The following AP3D1 variants were observed in gnomAD, a reference collection of about 807,000 sequenced individuals.
The protein encoded by AP3D1 is adaptor related protein complex 3 subunit delta 1, also known as AP-3 complex subunit delta-1.
AP3D1 carries 51 observed loss-of-function variants against 147.6 expected under a neutral mutation model. That is an observed-to-expected ratio of 0.35 (90% CI 0.28 to 0.44). The LOEUF (loss-of-function observed/expected upper bound fraction) is 0.44, where lower values mean the gene tolerates loss of function less well. Ranked by LOEUF, AP3D1 falls within the 20% of genes least tolerant of loss-of-function variation. The probability of loss-of-function intolerance (pLI) is 1.00; values close to 1 mark genes in which losing one functional copy is unlikely to be tolerated. For synonymous variants in AP3D1, 760 were observed against 663.0 expected (o/e 1.15, Z -2.25); for missense variants, 1,421 against 1,624.2 (o/e 0.87, Z 2.15).
rs79170655 is a variant in AP3D1, at chr19:2,110,366, G to A, written c.3176-142C>T. Reference sequence around the variant, plus strand: ...GCCCCCAAGGGAGCACCAGGGGACAGGAGCAGAAACAAGAGGCTACTGGTG... The same window carrying A: ...GCCCCCAAGGGAGCACCAGGGGACAAGAGCAGAAACAAGAGGCTACTGGTG... On this transcript the variant is annotated intron_variant, in intron 27 of 31. Coordinates refer to ENST00000643116, the MANE Select transcript of AP3D1 (RefSeq NM_001261826.3). The A allele has an allele frequency of 1.3e-3, 948 of 739,324 alleles. 21 individuals are homozygous for A. The East Asian group carries it at 0.025, about 20-fold the overall frequency. The allele number at this position is 739,324 out of a possible 1,614,324, so 45.8% of individuals were successfully genotyped here.
rs922691205 is a variant in AP3D1, at chr19:2,138,574, A to C, written c.192+45T>G. 1.2e-5 allele frequency: 17 copies of C among 1,421,978 alleles called. 1 individual carries two copies. The Admixed American group carries it at 1.5e-4, about 13-fold the overall frequency. 88.1% of individuals were successfully genotyped at this position (1,421,978 alleles called of 1,614,324 possible). A position where few individuals can be genotyped will look rare whatever the true frequency, so the allele number is the denominator to read the frequency against. On this transcript the variant is annotated intron_variant, in intron 2 of 31. Transcript: ENST00000643116. ...AATAGGGGACACGTGCTGAGTGGAG[A>C]AGCAGCCCGACAGTGCTGGGCGCTG... is the stretch of plus-strand genomic sequence containing the variant.
At chr19:2,140,419 G>A (rs186584832) in intron 1 of AP3D1, among the ~76,000 whole-genome samples, 2 of 151,972 alleles carry the variant, frequency 1.3e-5, no homozygotes, top group African/African-American at 4.8e-5. Context: ...CAGCCCCCAC[G>A]CTCGCCGCTG....
Position 2,118,717 on chromosome 19 carries a change from T to C in AP3D1, c.1597A>G (p.Ile533Val), listed in dbSNP as rs377679458. The change falls in exon 15 of 32, where the codon ATC (isoleucine) becomes GTC (valine). Residue 533 changes from isoleucine (I) to valine (V), a missense_variant. Physicochemically the swap from Ile to Val is conservative, Grantham distance 29 (BLOSUM62 3). This residue lies in a region of AP3D1 where 310 missense variants were observed against 388.1 expected (regional missense o/e 0.80). Coordinates refer to ENST00000643116, the MANE Select transcript of AP3D1 (RefSeq NM_001261826.3). The part of the protein sequence containing the change: ...VQNVVKLYAS[I>V]LQQKEQAGEA... ...CCGGCCTGCTCCTTCTGCTGCAGGA[T>C]GGAGGCGTAGAGCTTGACCACGTTC... The C allele has an allele frequency of 1.1e-5, 18 of 1,613,534 alleles. No homozygotes were observed. The highest frequency in any genetic ancestry group is 1.7e-5 in the Admixed American group (1 of 60,000).
At chr19:2,150,415 G>T (rs780589549) in intron 1 of AP3D1, among the ~76,000 whole-genome samples, 11 of 152,230 alleles carry the variant, frequency 7.2e-5, no homozygotes, top group Non-Finnish European at 1.5e-4. Context: ...ACAGGTTGGG[G>T]GAAGGGAGGA....
chr19:2,116,725 G>A lies in AP3D1; in HGVS notation c.1881C>T (p.Ile627=). ...ACTCGCTGTCCGAGAGTGGCTCATT[G>A]ATCCAGGCGTCCAGGTCCAGGCTGC... ...VPEGLDLDAW[I]NEPLSDSESE... is the part of the protein sequence containing the mutation. Residue 627 remains isoleucine, a synonymous_variant, in exon 17 of 32, where the codon ATC becomes ATT. Transcript: ENST00000643116. 6.2e-7 allele frequency: 1 copy of A among 1,611,478 alleles called. No individual in the cohort carries two copies. The highest frequency in any genetic ancestry group is 8.5e-7 in the Non-Finnish European group (1 of 1,179,082).
chr19:2,129,828 G>A (rs911496296), intron 6 of AP3D1, among the ~76,000 whole-genome samples: 13 of 152,304 alleles, frequency 8.5e-5, no homozygotes, highest in African/African-American at 2.9e-4. Context: ...CTGCATCCAT[G>A]CCCACCACTC....
intron 12 of AP3D1, 21 bp downstream of exon 12, chr19:2,121,713 C>T (rs201687148): frequency 2.3e-5 from 35 of 1,552,718 alleles, no homozygotes; most frequent in South Asian, 1.3e-4. Context: ...GGCGGGCGGG[C>T]GGCGGACAGA....
intron 11 of AP3D1, 85 bp from the exon 12 acceptor site, chr19:2,121,964 C>A: frequency 6.8e-7 from 1 of 1,468,208 alleles, no homozygotes; most frequent in South Asian, 1.4e-5. Context: ...CGGGCCGGGT[C>A]TCCACCTCGG....
At chr19:2,119,170 TG>T (rs1898693165) in intron 14 of AP3D1, among the ~76,000 whole-genome samples, 1 of 152,202 alleles carries the variant, frequency 6.6e-6, no homozygotes, top group Admixed American at 6.5e-5. Flanking sequence ...CCCTGATCTG[TG>T]GGACAGTGGG....
chr19:2,109,426 A>C (rs2018201724), intron 29 of AP3D1: 1 of 578,598 alleles, frequency 1.7e-6, no homozygotes, highest in African/African-American at 1.9e-5. Flanking sequence ...GAGGTCACAG[A>C]GGTGCCTGAA....
intron 6 of AP3D1, 79 bp from the exon 7 acceptor site, chr19:2,129,536 G>T (rs2018877050): frequency 1.3e-6 from 2 of 1,508,702 alleles, no homozygotes; most frequent in Non-Finnish European, 1.8e-6. Flanking sequence ...GGCCCGCGAG[G>T]AAGTTCTGGG....
chr19:2,128,221 C>T (rs1400064515), intron 8 of AP3D1, among the ~76,000 whole-genome samples: 1 of 152,132 alleles, frequency 6.6e-6, no homozygotes, highest in Non-Finnish European at 1.5e-5. Context: ...GCAGCCTGGC[C>T]TGAAAAGGCT....
At chr19:2,147,924 C>T (rs1253331374) in intron 1 of AP3D1, among the ~76,000 whole-genome samples, 1 of 150,642 alleles carries the variant, frequency 6.6e-6, no homozygotes, top group Admixed American at 6.6e-5. Flanking sequence ...GTGGCTCACA[C>T]CTGTAATCCA....
At chr19:2,104,468 A>G (rs113700660) in intron 31 of AP3D1, among the ~76,000 whole-genome samples, 1,232 of 131,744 alleles carry the variant, frequency 9.4e-3, no homozygotes, top group African/African-American at 0.029. Flanking sequence ...CAACGCCAAG[A>G]CACCAATGCC....
chr19:2,132,444 G>C (rs765456458), intron 5 of AP3D1, 27 bp downstream of exon 5: 2 of 1,567,216 alleles, frequency 1.3e-6, no homozygotes, highest in Non-Finnish European at 1.8e-6. Flanking sequence ...AGACATGCAG[G>C]GGTGGTGGGC....
intron 4 of AP3D1, among the ~76,000 whole-genome samples, chr19:2,134,881 A>G (rs1342397314): frequency 2.0e-5 from 3 of 151,666 alleles, no homozygotes; most frequent in Admixed American, 1.3e-4. Context: ...GATTACAGGC[A>G]TGAGCCACCG....
In AP3D1 at chr19:2,115,493, C is replaced by T. The variant is rs141239706; in HGVS notation, c.2149+45G>A. 1,062 of 1,610,732 alleles carry T rather than the reference C, an allele frequency of 6.6e-4. 7 individuals carry two copies. In the African/African-American group the frequency reaches 0.012, roughly 18 times the overall value. Reference sequence around the variant, plus strand: ...CGGGGAGGGCGGCGGGAGCACCCCACAGCCCATGTGACAAATGCGGCGCCG... The same window carrying T: ...CGGGGAGGGCGGCGGGAGCACCCCATAGCCCATGTGACAAATGCGGCGCCG... On this transcript the variant is annotated intron_variant, in intron 19 of 31. Transcript: ENST00000643116.
Position 2,115,662 on chromosome 19 carries a change from C to T in AP3D1, c.2074-49G>A, listed in dbSNP as rs780512105. ...TACCGGTGCACCGAGGGGTGACACA[C>T]GTGCAAGACAAGCCTCGGGGATGCA... On this transcript the variant is annotated intron_variant, in intron 18 of 31. Transcript: ENST00000643116. 6 of 1,573,082 alleles carry T rather than the reference C, an allele frequency of 3.8e-6. No homozygotes were observed. In the East Asian group the frequency reaches 9.0e-5, roughly 24 times the overall value.
intron 8 of AP3D1, among the ~76,000 whole-genome samples, chr19:2,128,101 G>A (rs1351438975): frequency 2.6e-5 from 4 of 152,190 alleles, no homozygotes; most frequent in Non-Finnish European, 4.4e-5. Flanking sequence ...GCCTCTGCCT[G>A]CGGCCCACTG....
Sources: allele counts gnomAD v4.1 joint callset (sites outside exome capture counted in the v4.1 genomes callset), GRCh38; gene constraint gnomAD v4.1.1; regional missense constraint gnomAD v4.1.1; transcripts MANE v1.5; gene names NCBI Gene and HGNC (gene_info 2026-07-23, HGNC 2026-07-21).